The following MYO18A variants were observed in gnomAD, a reference collection of about 807,000 sequenced individuals.
MYO18A encodes unconventional myosin-XVIIIa.
Under a neutral mutation model 235.8 loss-of-function variants are expected in MYO18A, and 78 were observed. The observed-to-expected ratio is 0.33, with a 90% confidence interval of 0.28 to 0.40. The LOEUF (loss-of-function observed/expected upper bound fraction) is 0.40, where lower values mean the gene tolerates loss of function less well. Among genes scored for constraint, MYO18A ranks in the 10% least tolerant of loss-of-function variants. The probability of loss-of-function intolerance (pLI) is 1.00; values close to 1 mark genes in which losing one functional copy is unlikely to be tolerated. For missense variants in MYO18A, 2,215 were observed against 2,699.3 expected, an observed-to-expected ratio of 0.82 and a Z score of 3.98; for synonymous variants, 977 against 1,077.8, an observed-to-expected ratio of 0.91 and a Z score of 1.83.
At position 29,118,758 on chromosome 17, in the gene MYO18A, G is replaced by A. The variant is rs1204991256; in HGVS notation, c.1830-318C>T. On this transcript the variant is annotated intron_variant, in intron 8 of 41. Transcript: ENST00000527372. This position sits in a 1 kb window ranked among gnomAD's most constrained non-coding sequence, Gnocchi z 4.2. ...GAGACGATGCCCTCAGTTACAAGAA[G>A]GGCTAAAGAGGACAATGGCCTGGGG... is the stretch of plus-strand genomic sequence containing the variant. 6.6e-6 allele frequency among the ~76,000 whole-genome samples: 1 copy of A among 152,252 alleles called. No homozygotes were observed. The highest frequency in any genetic ancestry group is 2.4e-5 in the African/African-American group (1 of 41,468).
rs780566548 is a variant in MYO18A, at chr17:29,097,281, T to C, written c.4172A>G (p.Gln1391Arg). The change falls in exon 27 of 42, where the codon CAG (glutamine) becomes CGG (arginine). Residue 1391 changes from glutamine (Q) to arginine (R), a missense_variant. Transcript: ENST00000527372. ...CACCTCCAGCTTGTCCTCAAACTCC[T>C]GCTGGAGCCGTTTCTTGGTGAAGTC... ...EVDFTKKRLQ[Q>R]EFEDKLEVEQ... 6.2e-7 allele frequency: 1 copy of C among 1,611,350 alleles called. No individual in the cohort carries two copies. The highest frequency in any genetic ancestry group is 1.1e-5 in the South Asian group (1 of 91,076).
chr17:29,085,775 G>T, intron 39 of MYO18A, 127 bp from the exon 40 acceptor site: 1 of 927,154 alleles, frequency 1.1e-6, no homozygotes, highest in Non-Finnish European at 1.7e-6. Flanking sequence ...CTGGCTGGTT[G>T]AGACCAGGTA....
At chr17:29,083,505 G>GA (rs2066168706) in intron 40 of MYO18A, among the ~76,000 whole-genome samples, 8 of 82,286 alleles carry the variant, frequency 9.7e-5, no homozygotes, top group South Asian at 3.9e-4. Context: ...TAAATAAACA[G>GA]CCACACAGGC....
chr17:29,116,721 ACCCTC>A (rs1567606536), intron 10 of MYO18A, among the ~76,000 whole-genome samples: 4 of 3,466 alleles, frequency 1.2e-3, no homozygotes, highest in Non-Finnish European at 2.7e-3. Flanking sequence ...GCGCAAACAC[ACCCTC>A]CCCCCCCCCC....
At position 29,097,325 on chromosome 17, in the gene MYO18A, C is replaced by G; in HGVS notation, c.4128G>C (p.Glu1376Asp). The G allele has an allele frequency of 6.2e-7, 1 of 1,609,484 alleles. No individual in the cohort carries two copies. Among genetic ancestry groups the G allele is most frequent in the East Asian group, 2.2e-5 (1 of 44,878 alleles). ...TGAAGTCCACCTCCCGCACAGCCCG[C>G]TCATACTTCAGCCGCCACTCGCCAC... ...DAGGEWRLKY[E>D]RAVREVDFTK... The change falls in exon 27 of 42, where the codon GAG becomes GAC. Residue 1376 changes from glutamate (E) to aspartate (D), a missense_variant. By Grantham distance (45) the Glu-to-Asp change is conservative. Coordinates refer to ENST00000527372, the MANE Select transcript of MYO18A (RefSeq NM_078471.4).
At chr17:29,101,261 G>A (rs2152793779) in intron 21 of MYO18A, among the ~76,000 whole-genome samples, 1 of 151,734 alleles carries the variant, frequency 6.6e-6, no homozygotes, top group East Asian at 1.9e-4. Flanking sequence ...GCCTCCCAAA[G>A]TACTGAGATT....
chr17:29,138,503 G>C (rs1014910706), intron 2 of MYO18A, among the ~76,000 whole-genome samples: 1 of 152,160 alleles, frequency 6.6e-6, no homozygotes, highest in Non-Finnish European at 1.5e-5. Flanking sequence ...GATTGAGGGC[G>C]AGGAAGGGTG....
At chr17:29,172,451 C>T (rs1056388980) in intron 1 of MYO18A, among the ~76,000 whole-genome samples, 2 of 146,902 alleles carry the variant, frequency 1.4e-5, no homozygotes, top group Non-Finnish European at 1.5e-5. Flanking sequence ...GGCGACAGAA[C>T]AAGACTCTGT....
intron 2 of MYO18A, among the ~76,000 whole-genome samples, chr17:29,130,431 A>T (rs2320787): frequency 0.14 from 21,487 of 151,360 alleles, 1,755 homozygotes; most frequent in East Asian, 0.29. Context: ...TTTTTGCAAA[A>T]AAAATAAAAT....
intron 2 of MYO18A, among the ~76,000 whole-genome samples, chr17:29,150,020 G>A (rs12949480): frequency 0.41 from 62,656 of 152,154 alleles, 14,023 homozygotes; most frequent in East Asian, 0.59. Flanking sequence ...CCAGCTTAAG[G>A]GTCAGCCACA....
intron 1 of MYO18A, among the ~76,000 whole-genome samples, chr17:29,171,425 G>C (rs949352715): frequency 6.6e-6 from 1 of 151,748 alleles, no homozygotes; most frequent in Non-Finnish European, 1.5e-5. Flanking sequence ...GGGAGACAGA[G>C]CAAGACCCCA....
Position 29,080,724 on chromosome 17 carries a change from C to T in MYO18A, c.6020+1592G>A, listed in dbSNP as rs1258287573. On this transcript the variant is annotated intron_variant, in intron 41 of 41. Transcript: ENST00000527372. ...AGTCGGAGCCCCACCGCTTCTGCGG[C>T]CCCCGGCCAGCGCGCCCCCCGGTCC... 6.1e-6 allele frequency: 6 copies of T among 985,506 alleles called. No individual in the cohort carries two copies. In the East Asian group the frequency reaches 3.4e-4, roughly 56 times the overall value. 61.0% of individuals were successfully genotyped at this position (985,506 alleles called of 1,614,324 possible). A position where few individuals can be genotyped will look rare whatever the true frequency, so the allele number is the denominator to read the frequency against.
At chr17:29,128,204 G>A (rs2067372678) in intron 2 of MYO18A, 6 of 1,153,650 alleles carry the variant, frequency 5.2e-6, no homozygotes, top group Non-Finnish European at 6.5e-6. Flanking sequence ...AGGTGGGGGA[G>A]GGGGTGGCGG....
intron 40 of MYO18A, among the ~76,000 whole-genome samples, chr17:29,082,935 T>C (rs542568286): frequency 5.1e-4 from 78 of 152,166 alleles, no homozygotes; most frequent in African/African-American, 1.8e-3. Context: ...AAGGGCTTCG[T>C]AGGATTTGGA....
At chr17:29,139,949 G>A (rs1185979369) in intron 2 of MYO18A, among the ~76,000 whole-genome samples, 1 of 152,168 alleles carries the variant, frequency 6.6e-6, no homozygotes, top group Non-Finnish European at 1.5e-5. Context: ...GTGCTGTGGG[G>A]CTGGGGCTTT....
At chr17:29,076,389 C>T (rs2065980170) in intron 41 of MYO18A, 1 of 147,774 alleles carries the variant, frequency 6.8e-6, no homozygotes, top group African/African-American at 2.5e-5. Flanking sequence ...CTGGCTTGGG[C>T]AAGTGCCCAG....
rs2068300571 is a variant in MYO18A at position 29,166,986 on chromosome 17, G to A, written c.-46C>T. ...GGGTAGCACCCCCAGAGGATTATGA[G>A]TGCTTAGCACAGGGCCTTGGTGCCC... On this transcript the variant is annotated 5_prime_UTR_variant, in exon 2 of 42. Coordinates refer to ENST00000527372, the MANE Select transcript of MYO18A (RefSeq NM_078471.4). The A allele has an allele frequency of 6.7e-7, 1 of 1,484,356 alleles. No homozygotes were observed. The highest frequency in any genetic ancestry group is 9.0e-7 in the Non-Finnish European group (1 of 1,113,274). The allele number at this position is 1,484,356 out of a possible 1,614,324, so 91.9% of individuals were successfully genotyped here.
Position 29,074,838 on chromosome 17 carries a change from G to A in MYO18A, c.6097C>T (p.Pro2033Ser), listed in dbSNP as rs2152703887. 6.2e-7 allele frequency: 1 copy of A among 1,613,994 alleles called. No individual in the cohort carries two copies. The highest frequency in any genetic ancestry group is 8.5e-7 in the Non-Finnish European group (1 of 1,179,888). The change falls in exon 42 of 42, where the codon CCG becomes TCG. Residue 2033 changes from proline to serine, a missense_variant. Physicochemically the swap from Pro to Ser is moderately conservative, Grantham distance 74. Transcript: ENST00000527372. The surrounding 1 kb of genome is among the most constrained non-coding windows in gnomAD (Gnocchi z 4.4). Reference protein sequence around the residue: ...EHDPLDNTSRPRYSHSYLSDS... With the variant: ...EHDPLDNTSRSRYSHSYLSDS... ...CTCAGATAACTGTGGGAGTATCGCG[G>A]TCTGGAGGTGTTGTCGAGAGGGTCG... is the stretch of plus-strand genomic sequence containing the variant.
intron 2 of MYO18A, among the ~76,000 whole-genome samples, chr17:29,159,204 G>A (rs997214752): frequency 2.0e-5 from 3 of 152,112 alleles, no homozygotes; most frequent in Non-Finnish European, 2.9e-5. Context: ...GGGAGCCCTG[G>A]AAATGATCTA....
Sources: allele counts gnomAD v4.1 joint callset (sites outside exome capture counted in the v4.1 genomes callset), GRCh38; gene constraint gnomAD v4.1.1; non-coding constraint Gnocchi (gnomAD v3.1); transcripts MANE v1.5; gene names NCBI Gene and HGNC (gene_info 2026-07-23, HGNC 2026-07-21).